The following FARP2 variants were observed in gnomAD, a reference collection of about 807,000 sequenced individuals.
FARP2 encodes the protein FERM, ARH/RhoGEF and pleckstrin domain protein 2, also known as FERM, ARHGEF and pleckstrin domain-containing protein 2.
In FARP2, 111 loss-of-function variants were observed where a neutral mutation model predicts 130.5. The observed-to-expected ratio is 0.85, with a 90% CI of 0.73 to 1.00. The LOEUF (loss-of-function observed/expected upper bound fraction) is 1.00, where lower values mean the gene tolerates loss of function less well. Among genes scored for constraint, FARP2 ranks in the 50% least tolerant of loss-of-function variants. The probability of loss-of-function intolerance (pLI) is 0.00; values close to 1 mark genes in which losing one functional copy is unlikely to be tolerated. For missense variants in FARP2, 1,385 were observed against 1,346.3 expected (o/e 1.03, Z -0.45); for synonymous variants, 504 against 516.9 (o/e 0.98, Z 0.34).
intron 19 of FARP2, 93 bp downstream of exon 19, chr2:241,476,080 T>G: frequency 7.8e-7 from 1 of 1,288,744 alleles, no homozygotes; most frequent in Non-Finnish European, 1.1e-6. Flanking sequence ...CATTTTAAAA[T>G]GTATAATTTT....
chr2:241,460,242 C>A (rs1286412766), intron 14 of FARP2, among the ~76,000 whole-genome samples: 1 of 152,142 alleles, frequency 6.6e-6, no homozygotes, highest in African/African-American at 2.4e-5. Context: ...ACCAGCTCTG[C>A]CCCCAGAGAA....
chr2:241,413,222 T>G, intron 6 of FARP2, 85 bp from the exon 7 acceptor site: 1 of 744,310 alleles, frequency 1.3e-6, no homozygotes, highest in Non-Finnish European at 2.1e-6. Context: ...GGGATAATTT[T>G]TTTTTACTTT....
chr2:241,358,276 T>TATC (rs2061111172), intron 1 of FARP2, among the ~76,000 whole-genome samples: 1 of 152,220 alleles, frequency 6.6e-6, no homozygotes, highest in Non-Finnish European at 1.5e-5. Context: ...CCATTATTAT[T>TATC]ATCAGGTGGA....
chr2:241,490,306 C>T (rs1003002677), intron 22 of FARP2, among the ~76,000 whole-genome samples: 1 of 152,226 alleles, frequency 6.6e-6, no homozygotes, highest in Non-Finnish European at 1.5e-5. Context: ...CTCTGCCCTC[C>T]GGTTCACAGT....
intron 2 of FARP2, among the ~76,000 whole-genome samples, chr2:241,397,648 G>A (rs1282465637): frequency 6.6e-6 from 1 of 151,948 alleles, no homozygotes; most frequent in Admixed American, 6.6e-5. Flanking sequence ...TTAGACGAAA[G>A]GCTAGGAATT....
intron 13 of FARP2, chr2:241,442,312 A>G (rs1055632158): frequency 2.2e-6 from 1 of 456,716 alleles, no homozygotes; most frequent in East Asian, 6.9e-5. Flanking sequence ...CTCTGACATC[A>G]TCGACCAGTT....
At chr2:241,429,632 A>T (rs76543564) in intron 8 of FARP2, among the ~76,000 whole-genome samples, 5 of 152,120 alleles carry the variant, frequency 3.3e-5, no homozygotes, top group Non-Finnish European at 5.9e-5. Flanking sequence ...GCTCATGCCT[A>T]TAGTCCCAAC....
intron 1 of FARP2, among the ~76,000 whole-genome samples, chr2:241,368,636 T>G (rs2061364686): frequency 6.6e-6 from 1 of 152,094 alleles, no homozygotes; most frequent in Non-Finnish European, 1.5e-5. Flanking sequence ...TCTATTAATG[T>G]ATTTTTTTAC....
At chr2:241,382,776 G>A (rs919188992) in intron 2 of FARP2, among the ~76,000 whole-genome samples, 3 of 152,242 alleles carry the variant, frequency 2.0e-5, no homozygotes, top group Middle Eastern at 3.4e-3. Context: ...CACCTTTATG[G>A]ACATTTCATA....
chr2:241,447,599 C>T (rs1188681911), intron 13 of FARP2, among the ~76,000 whole-genome samples: 1 of 152,162 alleles, frequency 6.6e-6, no homozygotes, highest in African/African-American at 2.4e-5. Context: ...CACAGTCAGC[C>T]AAAACCACCC....
intron 21 of FARP2, chr2:241,488,437 G>C (rs1277288230): frequency 1.9e-5 from 2 of 107,552 alleles, no homozygotes; most frequent in Admixed American, 1.1e-4. Context: ...TTTTTTTTTA[G>C]ATGGAGTCTT....
At position 241,475,411 on chromosome 2, in the gene FARP2, G is replaced by A. The variant is rs10210090; in HGVS notation, c.2132-446G>A. 0.2 allele frequency among the ~76,000 whole-genome samples: 29,886 copies of A among 152,124 alleles called. 3,154 individuals are homozygous for A. Among genetic ancestry groups the A allele is most frequent in the Middle Eastern group, 0.26 (77 of 294 alleles). On this transcript the variant is annotated intron_variant, in intron 18 of 26. Coordinates refer to ENST00000264042, the MANE Select transcript of FARP2 (RefSeq NM_014808.4). This position sits in a 1 kb window ranked among gnomAD's most constrained non-coding sequence, Gnocchi z 4.4. The stretch of plus-strand genomic sequence containing the variant: ...AGCCTGTTAGGAACCAGGCCACACG[G>A]CAGGAGGTGAGTGGCGGGCAAGTGA...
intron 13 of FARP2, 194 bp from the exon 14 acceptor site, chr2:241,456,553 C>T: frequency 1.7e-6 from 1 of 598,724 alleles, no homozygotes; most frequent in East Asian, 3.1e-5. Context: ...GTAGATGAAC[C>T]ATCAACCCTC....
At chr2:241,472,765 A>T (rs550809612) in intron 18 of FARP2, among the ~76,000 whole-genome samples, 33 of 128,610 alleles carry the variant, frequency 2.6e-4, no homozygotes, top group African/African-American at 9.6e-4. Flanking sequence ...GGACCCTTTT[A>T]TGTGGGAGAT....
rs1464187988 is a variant in FARP2 at position 241,468,280 on chromosome 2, G to C, written c.2034G>C (p.Leu678=). Residue 678 remains leucine, a synonymous_variant, in exon 18 of 27, where the codon CTG becomes CTC. Transcript: ENST00000264042. ...KVCYLPLNTF[L]LKPIQRLLHY... ...GCTACTTGCCTCTCAACACGTTCCT[G>C]CTGAAGCCCATCCAGCGGCTGCTGC... The C allele has an allele frequency of 4.3e-6, 7 of 1,613,928 alleles. No individual in the cohort carries two copies. Among genetic ancestry groups the C allele is most frequent in the Non-Finnish European group, 5.9e-6 (7 of 1,180,042 alleles).
chr2:241,361,516 T>A (rs2061185530), intron 1 of FARP2, among the ~76,000 whole-genome samples: 2 of 152,176 alleles, frequency 1.3e-5, no homozygotes, highest in Non-Finnish European at 2.9e-5. Flanking sequence ...GAGGCAGAGT[T>A]GCAGTGGGAA....
Position 241,382,292 on chromosome 2 carries a change from A to C in FARP2, c.183+9002A>C, listed in dbSNP as rs73002160. 2.9e-3 allele frequency among the ~76,000 whole-genome samples: 366 copies of C among 126,230 alleles called. 6 individuals are homozygous for C. Among genetic ancestry groups the C allele is most frequent in the African/African-American group, 4.0e-3 (137 of 34,206 alleles). 82.8% of individuals were successfully genotyped at this position (126,230 alleles called of 152,430 possible). ...TTTTCAGTTTCTCTGTACAAAATCTATTTTTTTTTTTTTTTTTTTTGAGGC... is the reference window on the plus strand; with the variant it reads ...TTTTCAGTTTCTCTGTACAAAATCTCTTTTTTTTTTTTTTTTTTTTGAGGC... On this transcript the variant is annotated intron_variant, in intron 2 of 26. Coordinates refer to ENST00000264042, the MANE Select transcript of FARP2 (RefSeq NM_014808.4).
chr2:241,478,692 TA>T, intron 19 of FARP2: 1 of 479,290 alleles, frequency 2.1e-6, no homozygotes. Context: ...ACTTCATTAA[TA>T]AAACTTGTAA....
At chr2:241,371,879 A>G (rs1469176659) in intron 1 of FARP2, among the ~76,000 whole-genome samples, 1 of 152,134 alleles carries the variant, frequency 6.6e-6, no homozygotes, top group African/African-American at 2.4e-5. Context: ...AGTATTATTA[A>G]TTTTAGCTGA....
Sources: allele counts gnomAD v4.1 joint callset (sites outside exome capture counted in the v4.1 genomes callset), GRCh38; gene constraint gnomAD v4.1.1; non-coding constraint Gnocchi (gnomAD v3.1); transcripts MANE v1.5; gene names NCBI Gene and HGNC (gene_info 2026-07-23, HGNC 2026-07-21).